The following WWOX variants were observed in gnomAD, a reference collection of about 807,000 sequenced individuals.
The protein encoded by WWOX is WW domain containing oxidoreductase.
A neutral mutation model predicts 46.2 loss-of-function variants in WWOX; 69 were observed. The observed-to-expected ratio is 1.49, with a 90% CI of 1.23 to 1.82. The LOEUF (loss-of-function observed/expected upper bound fraction) is 1.82, where lower values mean the gene tolerates loss of function less well. Ranked by LOEUF, WWOX falls within the 40% of genes most tolerant of loss-of-function variation. The pLI is 0.00. For synonymous variants in WWOX, 359 were observed against 202.6 expected, an observed-to-expected ratio of 1.77 and a Z score of -6.56; for missense variants, 919 against 542.6, an observed-to-expected ratio of 1.69 and a Z score of -6.89.
intron 8 of WWOX, among the ~76,000 whole-genome samples, chr16:79,015,603 T>C (rs573938356): frequency 6.6e-6 from 1 of 152,258 alleles, no homozygotes; most frequent in East Asian, 1.9e-4. Flanking sequence ...GGTTCCATAT[T>C]CATATCTGCA....
chr16:78,330,388 A>T (rs1054885621), intron 5 of WWOX, among the ~76,000 whole-genome samples: 1 of 151,542 alleles, frequency 6.6e-6, no homozygotes, highest in Non-Finnish European at 1.5e-5. Flanking sequence ...AGAAAATTTC[A>T]CCAGTGATAA....
chr16:78,926,547 A>G (rs2045502863), intron 8 of WWOX, among the ~76,000 whole-genome samples: 1 of 152,144 alleles, frequency 6.6e-6, no homozygotes, highest in African/African-American at 2.4e-5. Context: ...ACTTGTTTTC[A>G]GTCATTTTGC....
At chr16:78,634,611 C>T (rs1344200219) in intron 8 of WWOX, among the ~76,000 whole-genome samples, 2 of 150,972 alleles carry the variant, frequency 1.3e-5, no homozygotes. Context: ...GAAGTTGAGG[C>T]AGGAGAATCA....
Position 78,615,163 on chromosome 16 carries a change from T to G in WWOX, c.1056+182411T>G, listed in dbSNP as rs892983731. Among the ~76,000 whole-genome samples the G allele has an allele frequency of 2.2e-4, 34 of 152,204 alleles. 1 individual carries two copies. Among genetic ancestry groups the G allele is most frequent in the Admixed American group, 5.9e-4 (9 of 15,270 alleles). On this transcript the variant is annotated intron_variant, in intron 8 of 8. Coordinates refer to ENST00000566780, the MANE Select transcript of WWOX (RefSeq NM_016373.4). ...ATTAAAATACTCACATTCCCATTAT[T>G]TTTTAGAGGTTGTAAGCTAAGTAAT...
chr16:78,411,934 T>A (rs971182384), intron 6 of WWOX, among the ~76,000 whole-genome samples: 1 of 152,212 alleles, frequency 6.6e-6, no homozygotes, highest in Non-Finnish European at 1.5e-5. Flanking sequence ...GAAATCTGTT[T>A]CCGCCCGATT....
At chr16:79,060,096 T>C (rs1056507989) in intron 8 of WWOX, among the ~76,000 whole-genome samples, 1 of 152,198 alleles carries the variant, frequency 6.6e-6, no homozygotes, top group African/African-American at 2.4e-5. Context: ...AGGTGTATAG[T>C]TAATCCATTG....
At chr16:78,940,246 C>G (rs971880124) in intron 8 of WWOX, among the ~76,000 whole-genome samples, 1 of 152,082 alleles carries the variant, frequency 6.6e-6, no homozygotes. Flanking sequence ...AAATAGAATA[C>G]GGAGTATATA....
intron 8 of WWOX, among the ~76,000 whole-genome samples, chr16:78,614,978 T>G (rs1391266828): frequency 6.6e-6 from 1 of 152,186 alleles, no homozygotes; most frequent in Non-Finnish European, 1.5e-5. Context: ...TAATCACGTT[T>G]TGCTCTGGGC....
At chr16:78,428,413 G>C (rs2083137234) in intron 7 of WWOX, among the ~76,000 whole-genome samples, 1 of 152,200 alleles carries the variant, frequency 6.6e-6, no homozygotes, top group Non-Finnish European at 1.5e-5. Context: ...TAATGAGACT[G>C]TAAAAGTGGA....
intron 5 of WWOX, among the ~76,000 whole-genome samples, chr16:78,221,791 G>A (rs527665816): frequency 6.6e-6 from 1 of 152,252 alleles, no homozygotes; most frequent in East Asian, 1.9e-4. Flanking sequence ...TTTGTAATTT[G>A]TTTTTGACAC....
chr16:78,237,678 A>G (rs900093847), intron 5 of WWOX: 3 of 152,206 alleles, frequency 2.0e-5, no homozygotes, highest in Non-Finnish European at 2.9e-5. Flanking sequence ...TACATTTTCA[A>G]TCATCTGCAA....
chr16:78,922,030 C>A (rs1339786133), intron 8 of WWOX, among the ~76,000 whole-genome samples: 1 of 152,198 alleles, frequency 6.6e-6, no homozygotes, highest in Non-Finnish European at 1.5e-5. Context: ...GGACAGAATA[C>A]TTTTCTACTA....
At chr16:78,581,861 C>T (rs914195575) in intron 8 of WWOX, among the ~76,000 whole-genome samples, 3 of 152,108 alleles carry the variant, frequency 2.0e-5, no homozygotes, top group Admixed American at 6.5e-5. Context: ...TTTTGCTTAT[C>T]GGGTTTGTCA....
chr16:78,332,725 T>C (rs1242938336), intron 5 of WWOX, among the ~76,000 whole-genome samples: 1 of 152,188 alleles, frequency 6.6e-6, no homozygotes, highest in Admixed American at 6.5e-5. Context: ...AATGTCATGA[T>C]GACTGAGGAT....
At chr16:78,793,535 A>G (rs567613978) in intron 8 of WWOX, among the ~76,000 whole-genome samples, 1 of 152,336 alleles carries the variant, frequency 6.6e-6, no homozygotes, top group African/African-American at 2.4e-5. Flanking sequence ...TCATTAGCTC[A>G]TAATGATTAA....
At chr16:78,641,203 T>A (rs2046700448) in intron 8 of WWOX, among the ~76,000 whole-genome samples, 1 of 152,074 alleles carries the variant, frequency 6.6e-6, no homozygotes, top group Admixed American at 6.6e-5. Flanking sequence ...ACGCTGTGTT[T>A]ATTTTTTTTC....
At chr16:78,861,740 C>A (rs2043889949) in intron 8 of WWOX, among the ~76,000 whole-genome samples, 1 of 152,192 alleles carries the variant, frequency 6.6e-6, no homozygotes, top group African/African-American at 2.4e-5. Flanking sequence ...ACCTTTAACT[C>A]ATTTCCTTCT....
chr16:78,723,526 C>G (rs183865430), intron 8 of WWOX, among the ~76,000 whole-genome samples: 2,362 of 151,726 alleles, frequency 0.016, 23 homozygotes, highest in Non-Finnish European at 0.025. Flanking sequence ...TCTTCTACTC[C>G]CACACTTCTT....
intron 8 of WWOX, among the ~76,000 whole-genome samples, chr16:79,150,878 A>C (rs372764621): frequency 2.6e-5 from 4 of 152,178 alleles, no homozygotes; most frequent in African/African-American, 9.7e-5. Context: ...CAAATAAAAT[A>C]CATCCGCAGT....
Sources: allele counts gnomAD v4.1 joint callset (sites outside exome capture counted in the v4.1 genomes callset), GRCh38; gene constraint gnomAD v4.1.1; transcripts MANE v1.5; gene names NCBI Gene and HGNC (gene_info 2026-07-23, HGNC 2026-07-21).